Variants in PLEKHF2 observed in about 807,000 individuals in gnomAD.
PLEKHF2 encodes pleckstrin homology domain-containing family F member 2.
PLEKHF2 carries 4 observed loss-of-function variants against 14.7 expected under a neutral mutation model. The ratio of observed to expected loss-of-function variants is 0.27; its 90% confidence interval spans 0.13 to 0.62. The LOEUF is 0.62. Among genes scored for constraint, PLEKHF2 ranks in the 20% least tolerant of loss-of-function variants. The probability of loss-of-function intolerance (pLI) is 0.85; values close to 1 mark genes in which losing one functional copy is unlikely to be tolerated. For missense variants in PLEKHF2, 201 were observed against 307.7 expected, an observed-to-expected ratio of 0.65 and a Z score of 2.60; for synonymous variants, 90 against 103.5, an observed-to-expected ratio of 0.87 and a Z score of 0.79.
rs1810616492 is a variant in PLEKHF2 at position 95,156,144 on chromosome 8, C to T, written c.*1350C>T. 2 of 167,020 alleles carry T rather than the reference C, an allele frequency of 1.2e-5. No homozygotes were observed. Among genetic ancestry groups the T allele is most frequent in the Non-Finnish European group, 2.9e-5 (2 of 68,088 alleles). The allele number at this position is 167,020 out of a possible 1,614,324, so 10.3% of individuals were successfully genotyped here. On this transcript the variant is annotated 3_prime_UTR_variant, in exon 2 of 2. Transcript: ENST00000315367. ...CATATAAAACTTGATGCGTTTTGCACTACTCTTTCCATTTATATGCTGCAA... is the reference window on the plus strand; with the variant it reads ...CATATAAAACTTGATGCGTTTTGCATTACTCTTTCCATTTATATGCTGCAA...
rs188202208 is a variant in PLEKHF2, at chr8:95,141,002, A to G, written c.-15+6972A>G. On this transcript the variant is annotated intron_variant, in intron 1 of 1. Coordinates refer to ENST00000315367, the MANE Select transcript of PLEKHF2 (RefSeq NM_024613.4). The stretch of plus-strand genomic sequence containing the variant: ...TCCTATAGAAACACAACTGAATTAT[A>G]TATACTTGTCTATATAAATATGAGA... Among the ~76,000 whole-genome samples, 65 of 152,230 alleles carry G rather than the reference A, an allele frequency of 4.3e-4. No homozygotes were observed. In the East Asian group the frequency reaches 0.012, roughly 27 times the overall value.
intron 1 of PLEKHF2, among the ~76,000 whole-genome samples, chr8:95,141,996 C>T (rs1231924975): frequency 6.6e-6 from 1 of 152,048 alleles, no homozygotes; most frequent in Non-Finnish European, 1.5e-5. Flanking sequence ...GCTTTTTTTG[C>T]TTCCTTACTA....
At chr8:95,153,104 A>G (rs1347857440) in intron 1 of PLEKHF2, among the ~76,000 whole-genome samples, 1 of 152,046 alleles carries the variant, frequency 6.6e-6, no homozygotes, top group Non-Finnish European at 1.5e-5. Flanking sequence ...CTATCAGATG[A>G]TCTCTGCTTT....
intron 1 of PLEKHF2, among the ~76,000 whole-genome samples, chr8:95,137,796 C>A (rs1810392260): frequency 6.6e-6 from 1 of 152,270 alleles, no homozygotes; most frequent in Non-Finnish European, 1.5e-5. Context: ...ACAACAGCAG[C>A]CTGCATGTTG....
intron 1 of PLEKHF2, among the ~76,000 whole-genome samples, chr8:95,151,234 TTA>T (rs1396978619): frequency 6.6e-6 from 1 of 152,134 alleles, no homozygotes; most frequent in East Asian, 1.9e-4. Flanking sequence ...CAGTACAAAT[TTA>T]TGATAGTATT....
chr8:95,154,615 TTTC>T lies in PLEKHF2; in HGVS notation c.578_580del (p.Leu193del), dbSNP rs1458308615. The T allele has an allele frequency of 6.2e-7, 1 of 1,614,026 alleles. No homozygotes were observed. Among genetic ancestry groups the T allele is most frequent in the South Asian group, 1.1e-5 (1 of 91,086 alleles). ...CTGTGGGCCCTGCTCTGAAAAGAGA[TTTC>T]TTCTTCCCAGCCAGTCCTCTAAGCC... On this transcript the variant is annotated inframe_deletion, in exon 2 of 2. Transcript: ENST00000315367. The surrounding 1 kb of genome is among the most constrained non-coding windows in gnomAD (Gnocchi z 5.6).
chr8:95,155,866 T>C lies in PLEKHF2; in HGVS notation c.*1072T>C, dbSNP rs1413028511. Reference sequence around the variant, plus strand: ...ATCGTGGAAGTATTGTCTATTTCAGTGTGAAACTATCTTGAATTTGCAAAT... The same window carrying C: ...ATCGTGGAAGTATTGTCTATTTCAGCGTGAAACTATCTTGAATTTGCAAAT... On this transcript the variant is annotated 3_prime_UTR_variant, in exon 2 of 2. Coordinates refer to ENST00000315367, the MANE Select transcript of PLEKHF2 (RefSeq NM_024613.4). 1 of 167,100 alleles carries C rather than the reference T, an allele frequency of 6.0e-6. No individual in the cohort carries two copies. Among genetic ancestry groups the C allele is most frequent in the Non-Finnish European group, 1.5e-5 (1 of 68,110 alleles). The allele number at this position is 167,100 out of a possible 1,614,324, so 10.4% of individuals were successfully genotyped here. A position where few individuals can be genotyped will look rare whatever the true frequency, so the allele number is the denominator to read the frequency against.
intron 1 of PLEKHF2, among the ~76,000 whole-genome samples, chr8:95,139,446 G>A (rs549434051): frequency 6.6e-6 from 1 of 152,300 alleles, no homozygotes; most frequent in East Asian, 1.9e-4. Flanking sequence ...GGTAGAGGTT[G>A]CAGTGAGTTG....
At chr8:95,136,735 G>A (rs974853106) in intron 1 of PLEKHF2, among the ~76,000 whole-genome samples, 3 of 152,076 alleles carry the variant, frequency 2.0e-5, no homozygotes, top group Non-Finnish European at 2.9e-5. Flanking sequence ...AAATTTTTTT[G>A]TTGTTGTTTA....
chr8:95,153,834 A>G (rs2132111892), intron 1 of PLEKHF2, among the ~76,000 whole-genome samples, 197 bp from the exon 2 acceptor site: 1 of 152,302 alleles, frequency 6.6e-6, no homozygotes, highest in East Asian at 1.9e-4. Context: ...GAGATGATAA[A>G]TAAGTGTTTT....
chr8:95,144,610 T>C (rs113937977), intron 1 of PLEKHF2, among the ~76,000 whole-genome samples: 6,657 of 152,274 alleles, frequency 0.044, 242 homozygotes, highest in Middle Eastern at 0.12. Context: ...CTCACGCCTG[T>C]AATCCCAGCA....
chr8:95,153,821 G>A (rs76524558), intron 1 of PLEKHF2, among the ~76,000 whole-genome samples: 1 of 152,044 alleles, frequency 6.6e-6, no homozygotes, highest in Non-Finnish European at 1.5e-5. Flanking sequence ...ATGGTGCTAC[G>A]TGGAGATGAT....
At position 95,155,996 on chromosome 8, in the gene PLEKHF2, G is replaced by C. The variant is rs1810614731; in HGVS notation, c.*1202G>C. 6.0e-6 allele frequency: 1 copy of C among 166,982 alleles called. No homozygotes were observed. The highest frequency in any genetic ancestry group is 6.5e-5 in the Admixed American group (1 of 15,282). The allele number at this position is 166,982 out of a possible 1,614,324, so 10.3% of individuals were successfully genotyped here. ...TATTTGAAATCATTTTGCAATCTAT[G>C]GAAATAGAGTAGCAATTGCTATTTC... On this transcript the variant is annotated 3_prime_UTR_variant, in exon 2 of 2. Coordinates refer to ENST00000315367, the MANE Select transcript of PLEKHF2 (RefSeq NM_024613.4).
intron 1 of PLEKHF2, chr8:95,134,270 G>T (rs1274941368): frequency 2.7e-5 from 4 of 149,688 alleles, no homozygotes; most frequent in South Asian, 1.9e-4. Context: ...CCGCCAGCCC[G>T]GGAGCGAGCC....
chr8:95,147,048 A>G (rs1007179146), intron 1 of PLEKHF2, among the ~76,000 whole-genome samples: 5 of 152,108 alleles, frequency 3.3e-5, no homozygotes, highest in African/African-American at 1.2e-4. Context: ...TATGCCATAA[A>G]AGATTTGAAG....
At chr8:95,149,684 G>A (rs142298486) in intron 1 of PLEKHF2, among the ~76,000 whole-genome samples, 181 of 152,294 alleles carry the variant, frequency 1.2e-3, no homozygotes, top group South Asian at 2.1e-3. Flanking sequence ...TTTTGAGCCA[G>A]TAATTTTATT....
At chr8:95,143,845 A>G (rs891870976) in intron 1 of PLEKHF2, among the ~76,000 whole-genome samples, 2 of 152,224 alleles carry the variant, frequency 1.3e-5, no homozygotes, top group Non-Finnish European at 2.9e-5. Context: ...GTTTCTGAGT[A>G]GACTTACCTG....
intron 1 of PLEKHF2, among the ~76,000 whole-genome samples, chr8:95,153,217 C>G (rs1273803191): frequency 1.3e-5 from 2 of 152,046 alleles, no homozygotes; most frequent in Non-Finnish European, 2.9e-5. Flanking sequence ...GGGTTTTAGT[C>G]TAGCATGGGA....
chr8:95,148,411 A>C (rs929944422), intron 1 of PLEKHF2, among the ~76,000 whole-genome samples: 47 of 152,194 alleles, frequency 3.1e-4, no homozygotes, highest in African/African-American at 1.0e-3. Flanking sequence ...AGACAAATAA[A>C]CAAGATTAGT....
Sources: gnomAD v4.1 joint callset for allele counts (sites outside exome capture counted in the v4.1 genomes callset) on GRCh38, gnomAD v4.1.1 for gene constraint, Gnocchi (gnomAD v3.1) non-coding constraint, MANE v1.5 for transcripts, NCBI Gene and HGNC (gene_info 2026-07-23, HGNC 2026-07-21) for gene names.